Variants in CYTH3 observed in about 807,000 individuals in gnomAD.
The protein encoded by CYTH3 is cytohesin 3, also known as cytohesin-3.
A neutral mutation model predicts 55.1 loss-of-function variants in CYTH3; 23 were observed. The ratio of observed to expected loss-of-function variants is 0.42; its 90% CI spans 0.30 to 0.59. The LOEUF (loss-of-function observed/expected upper bound fraction) is 0.59. Among genes scored for constraint, CYTH3 ranks in the 20% least tolerant of loss-of-function variants. The pLI is 0.20. For missense variants in CYTH3, 413 were observed against 524.8 expected (o/e 0.79, Z 2.08); for synonymous variants, 249 against 194.9 (o/e 1.28, Z -2.31).
At chr7:6,241,164 G>T (rs901018583) in intron 1 of CYTH3, among the ~76,000 whole-genome samples, 5 of 151,882 alleles carry the variant, frequency 3.3e-5, no homozygotes, top group African/African-American at 1.2e-4. Context: ...ACACACACAT[G>T]ATCTTCTGCA....
In CYTH3 at chr7:6,213,079, C is replaced by T. The variant is rs147058003; in HGVS notation, c.35-22548G>A. On this transcript the variant is annotated intron_variant, in intron 1 of 12. Coordinates refer to ENST00000350796, the MANE Select transcript of CYTH3 (RefSeq NM_004227.4). ...CTTATTGTTTAGTTTATGTCTCCTC[C>T]TATAAGAATGTCAACTCCCAAGGAC... Among the ~76,000 whole-genome samples the T allele has an allele frequency of 3.0e-3, 463 of 152,300 alleles. 2 individuals are homozygous for T. Among genetic ancestry groups the T allele is most frequent in the African/African-American group, 0.011 (441 of 41,556 alleles).
At chr7:6,179,161 A>G (rs957470117) in intron 4 of CYTH3, among the ~76,000 whole-genome samples, 1 of 152,238 alleles carries the variant, frequency 6.6e-6, no homozygotes, top group Non-Finnish European at 1.5e-5. Flanking sequence ...CGATCAGTAC[A>G]TTCTGGCATA....
chr7:6,173,026 G>A (rs953885837), intron 6 of CYTH3: 15 of 1,075,030 alleles, frequency 1.4e-5, no homozygotes, highest in South Asian at 2.2e-5. Context: ...CGGCTGAGGC[G>A]ACTCCCACCA....
chr7:6,270,230 T>C (rs147216197), intron 1 of CYTH3, among the ~76,000 whole-genome samples: 2 of 152,358 alleles, frequency 1.3e-5, no homozygotes, highest in East Asian at 3.9e-4. Context: ...TTTCAAAACT[T>C]TGCTTTTCAC....
At chr7:6,242,854 C>T (rs1583190887) in intron 1 of CYTH3, among the ~76,000 whole-genome samples, 1 of 152,102 alleles carries the variant, frequency 6.6e-6, no homozygotes, top group Non-Finnish European at 1.5e-5. Flanking sequence ...ACCCTCTAGG[C>T]AGTCCCTGTG....
At chr7:6,209,045 C>T (rs1784264638) in intron 1 of CYTH3, among the ~76,000 whole-genome samples, 1 of 152,204 alleles carries the variant, frequency 6.6e-6, no homozygotes, top group Non-Finnish European at 1.5e-5. Context: ...TAAAATACAG[C>T]ACTGAATAGA....
intron 1 of CYTH3, among the ~76,000 whole-genome samples, chr7:6,269,194 C>T (rs974705365): frequency 2.0e-5 from 3 of 152,140 alleles, no homozygotes; most frequent in Admixed American, 6.5e-5. Context: ...GGGCAAGAAA[C>T]GGATCTGAGC....
chr7:6,171,410 T>C lies in CYTH3; in HGVS notation c.450-96A>G. 8.8e-7 allele frequency: 1 copy of C among 1,135,520 alleles called. No homozygotes were observed. Among genetic ancestry groups the C allele is most frequent in the Non-Finnish European group, 1.3e-6 (1 of 773,070 alleles). The allele number at this position is 1,135,520 out of a possible 1,614,324, so 70.3% of individuals were successfully genotyped here. A position where few individuals can be genotyped will look rare whatever the true frequency, so the allele number is the denominator to read the frequency against. ...GCCCAGCTCAGGAAGGACGTTTTCC[T>C]CCCGAGCCTGGGGTACAGCTCTGGC... On this transcript the variant is annotated intron_variant, in intron 6 of 12. Coordinates refer to ENST00000350796, the MANE Select transcript of CYTH3 (RefSeq NM_004227.4). This position sits in a 1 kb window ranked among gnomAD's most constrained non-coding sequence, Gnocchi z 6.7.
Position 6,173,603 on chromosome 7 carries a change from T to TCCTCTGG in CYTH3, c.449+43_449+49dup, listed in dbSNP as rs746817987. 4.6e-5 allele frequency: 56 copies of TCCTCTGG among 1,208,486 alleles called. 1 individual carries two copies. The Admixed American group carries it at 5.0e-4, about 11-fold the overall frequency. 74.9% of individuals were successfully genotyped at this position (1,208,486 alleles called of 1,614,324 possible). A position where few individuals can be genotyped will look rare whatever the true frequency, so the allele number is the denominator to read the frequency against. On this transcript the variant is annotated intron_variant, in intron 6 of 12. Transcript: ENST00000350796. ...ACCGCCACTGCTGCCCAGGCAGTGG[T>TCCTCTGG]CCTCTGGCCTTCCCCATCCACTCTA...
chr7:6,256,667 T>C (rs928324975), intron 1 of CYTH3, among the ~76,000 whole-genome samples: 1 of 152,138 alleles, frequency 6.6e-6, no homozygotes, highest in Non-Finnish European at 1.5e-5. Flanking sequence ...AATGTCCAAG[T>C]ACTAACAGCA....
rs1027656276 is a variant in CYTH3 at position 6,254,028 on chromosome 7, G to A, written c.34+18446C>T. Among the ~76,000 whole-genome samples the A allele has an allele frequency of 5.5e-4, 69 of 124,774 alleles. 1 individual carries two copies. Among genetic ancestry groups the A allele is most frequent in the African/African-American group, 2.0e-3 (65 of 33,008 alleles). 81.9% of individuals were successfully genotyped at this position (124,774 alleles called of 152,430 possible). A position where few individuals can be genotyped will look rare whatever the true frequency, so the allele number is the denominator to read the frequency against. ...ATAAATAAATAAAATAAAAAATAAA[G>A]AAAGGAGGCCAGGTGCAGTGGCAGG... On this transcript the variant is annotated intron_variant, in intron 1 of 12. Transcript: ENST00000350796.
chr7:6,199,781 G>A (rs1279285436), intron 1 of CYTH3, among the ~76,000 whole-genome samples: 2 of 152,160 alleles, frequency 1.3e-5, no homozygotes, highest in African/African-American at 4.8e-5. Flanking sequence ...TTTACTGTTA[G>A]TGTTCAAAGC....
At chr7:6,246,094 C>CT (rs1013950660) in intron 1 of CYTH3, among the ~76,000 whole-genome samples, 1 of 150,956 alleles carries the variant, frequency 6.6e-6, no homozygotes, top group African/African-American at 2.4e-5. Context: ...TTTTTTTTAA[C>CT]TTTTTTGAGA....
chr7:6,187,293 G>T (rs972027502), intron 3 of CYTH3, among the ~76,000 whole-genome samples, 177 bp from the exon 4 acceptor site: 1 of 152,226 alleles, frequency 6.6e-6, no homozygotes, highest in African/African-American at 2.4e-5. Flanking sequence ...CACCATTGCT[G>T]TTCACATTTG....
chr7:6,234,792 C>T (rs1309597926), intron 1 of CYTH3, among the ~76,000 whole-genome samples: 2 of 152,282 alleles, frequency 1.3e-5, no homozygotes, highest in East Asian at 3.9e-4. Flanking sequence ...AATTCTTGGT[C>T]AAGAAAAGTC....
chr7:6,184,894 A>G (rs1232350024), intron 4 of CYTH3, among the ~76,000 whole-genome samples: 1 of 152,160 alleles, frequency 6.6e-6, no homozygotes, highest in Admixed American at 6.6e-5. Flanking sequence ...GCATCCCTTT[A>G]AAAAATAAGT....
At chr7:6,226,087 C>A (rs1170061119) in intron 1 of CYTH3, among the ~76,000 whole-genome samples, 1 of 152,112 alleles carries the variant, frequency 6.6e-6, no homozygotes, top group Non-Finnish European at 1.5e-5. Flanking sequence ...AAACCCATGT[C>A]CCTAGCTTAG....
chr7:6,179,609 AC>A (rs1180011770), intron 4 of CYTH3, among the ~76,000 whole-genome samples: 4,772 of 128,964 alleles, frequency 0.037, 318 homozygotes, highest in African/African-American at 0.14. Flanking sequence ...CACACCACAC[AC>A]CACACACACA....
intron 12 of CYTH3, 23 bp from the exon 13 acceptor site, chr7:6,165,039 C>T (rs1782947966): frequency 6.2e-6 from 10 of 1,613,932 alleles, no homozygotes; most frequent in Admixed American, 1.7e-5. Flanking sequence ...GGAAAACACA[C>T]AGGTTAGGTC....
Sources: allele counts gnomAD v4.1 joint callset (sites outside exome capture counted in the v4.1 genomes callset), GRCh38; gene constraint gnomAD v4.1.1; non-coding constraint Gnocchi (gnomAD v3.1); transcripts MANE v1.5; gene names NCBI Gene and HGNC (gene_info 2026-07-23, HGNC 2026-07-21).